Variants in CEP128 observed in about 807,000 individuals in gnomAD.
CEP128 encodes the protein centrosomal protein 128kDa.
CEP128 carries 132 observed loss-of-function variants against 156.7 expected under a neutral mutation model. The observed-to-expected ratio is 0.84, with a 90% CI of 0.73 to 0.97. CEP128 has a LOEUF of 0.97. Among genes scored for constraint, CEP128 ranks in the 50% least tolerant of loss-of-function variants. The pLI, the probability that CEP128 is intolerant of heterozygous loss-of-function variation, is 0.00. For missense variants in CEP128, 1,252 were observed against 1,281.9 expected (o/e 0.98, Z 0.36); for synonymous variants, 469 against 448.9 (o/e 1.04, Z -0.57).
intron 19 of CEP128, among the ~76,000 whole-genome samples, chr14:80,602,926 A>G (rs1016930787): frequency 1.3e-5 from 2 of 152,218 alleles, no homozygotes; most frequent in African/African-American, 2.4e-5. Flanking sequence ...TAAAAATCCT[A>G]TGGTCAAAGA....
rs775158754 is a variant in CEP128, at chr14:80,895,725, T to C, written c.638A>G (p.Gln213Arg). 22 of 1,574,136 alleles carry C rather than the reference T, an allele frequency of 1.4e-5. No individual in the cohort carries two copies. The South Asian group carries it at 2.0e-4, about 14-fold the overall frequency. ...LTEKLNEAQKQEVVSDRVERR... is the reference protein window; with the variant it reads ...LTEKLNEAQKREVVSDRVERR... ...TTAAAAAAGAGATCTCACCACTTCTTGTTTCTGGGCTTCATTAAGTTTTTC... is the reference window on the plus strand; with the variant it reads ...TTAAAAAAGAGATCTCACCACTTCTCGTTTCTGGGCTTCATTAAGTTTTTC... Residue 213 changes from glutamine to arginine, a missense_variant, in exon 8 of 25, where the codon CAA becomes CGA. Coordinates refer to ENST00000555265, the MANE Select transcript of CEP128 (RefSeq NM_152446.5).
At chr14:80,934,817 T>C in intron 2 of CEP128, among the ~76,000 whole-genome samples, 1 of 148,398 alleles carries the variant, frequency 6.7e-6, no homozygotes, top group East Asian at 2.0e-4. Flanking sequence ...CAAAAAAGAA[T>C]ATTTGTTTTA....
At chr14:80,895,609 G>C in intron 8 of CEP128, 109 bp downstream of exon 8, 4 of 633,254 alleles carry the variant, frequency 6.3e-6, no homozygotes, top group African/African-American at 1.9e-5. Context: ...AGACAAAATG[G>C]GACATACCAC....
chr14:80,855,576 AG>A (rs925913667), intron 9 of CEP128, among the ~76,000 whole-genome samples: 5 of 152,178 alleles, frequency 3.3e-5, no homozygotes, highest in African/African-American at 1.2e-4. Context: ...ACAAAAAAAA[AG>A]GGGCATTGGT....
chr14:80,845,583 A>T (rs1287239680), intron 9 of CEP128, among the ~76,000 whole-genome samples: 1 of 152,190 alleles, frequency 6.6e-6, no homozygotes, highest in Admixed American at 6.5e-5. Context: ...ATAATTATGG[A>T]AATTTAATTT....
chr14:80,783,541 T>C (rs776001492), intron 15 of CEP128, among the ~76,000 whole-genome samples: 1 of 152,242 alleles, frequency 6.6e-6, no homozygotes, highest in Non-Finnish European at 1.5e-5. Context: ...AACTGATTGC[T>C]GGTAGTATTG....
At chr14:80,747,260 T>C (rs751288981) in intron 18 of CEP128, among the ~76,000 whole-genome samples, 3 of 152,146 alleles carry the variant, frequency 2.0e-5, no homozygotes, top group Non-Finnish European at 4.4e-5. Context: ...GAAAAACAAA[T>C]ATACATGCAA....
At chr14:80,593,784 C>A (rs1892192421) in intron 19 of CEP128, among the ~76,000 whole-genome samples, 1 of 152,034 alleles carries the variant, frequency 6.6e-6, no homozygotes, top group African/African-American at 2.4e-5. Flanking sequence ...AGGACCTCTT[C>A]AAGGAGAACT....
chr14:80,916,645 CTCT>C, intron 2 of CEP128, 83 bp from the exon 3 acceptor site: 6 of 1,113,032 alleles, frequency 5.4e-6, no homozygotes, highest in Non-Finnish European at 7.7e-6. Flanking sequence ...TACTTTTGAT[CTCT>C]TTTCTATGTT....
intron 19 of CEP128, among the ~76,000 whole-genome samples, chr14:80,689,679 T>G (rs1429891993): frequency 6.6e-6 from 1 of 152,212 alleles, no homozygotes; most frequent in Non-Finnish European, 1.5e-5. Context: ...TCTGTGTGTG[T>G]GTGTATGTGT....
At chr14:80,832,697 G>T (rs1316013530) in intron 12 of CEP128, among the ~76,000 whole-genome samples, 1 of 152,190 alleles carries the variant, frequency 6.6e-6, no homozygotes, top group Admixed American at 6.5e-5. Context: ...AGGAGTTGGG[G>T]TGTTTTTAGG....
At chr14:80,529,820 T>C (rs1231297524) in intron 22 of CEP128, among the ~76,000 whole-genome samples, 4 of 152,232 alleles carry the variant, frequency 2.6e-5, no homozygotes, top group Non-Finnish European at 5.9e-5. Flanking sequence ...TGGGATAGTC[T>C]AGCTTTCTAG....
At chr14:80,654,612 C>G (rs1895050307) in intron 19 of CEP128, among the ~76,000 whole-genome samples, 1 of 152,184 alleles carries the variant, frequency 6.6e-6, no homozygotes, top group African/African-American at 2.4e-5. Context: ...TCTCCAATAT[C>G]ATTAGTGACC....
At chr14:80,585,680 G>C (rs1013586283) in intron 19 of CEP128, among the ~76,000 whole-genome samples, 1 of 152,176 alleles carries the variant, frequency 6.6e-6, no homozygotes, top group Non-Finnish European at 1.5e-5. Flanking sequence ...GCAGTTTAGA[G>C]AAAAGCATTT....
chr14:80,505,019 C>A lies in CEP128; in HGVS notation c.3074G>T (p.Gly1025Val), dbSNP rs1468209981. 1 of 1,563,192 alleles carries A rather than the reference C, an allele frequency of 6.4e-7. No individual in the cohort carries two copies. Among genetic ancestry groups the A allele is most frequent in the Non-Finnish European group, 8.7e-7 (1 of 1,146,518 alleles). Residue 1025 changes from glycine (G) to valine (V), a missense_variant and splice_region_variant, in exon 24 of 25, where the codon GGT becomes GTT. Transcript: ENST00000555265. ...DTKYRTKSFK[G>V]DRTFLEGSHT... ...GGAACCTTCCAGAAAGGTTCTGTCA[C>A]CCTAAGGAAAAAAAGGCACAGCATT...
At chr14:80,546,597 T>A (rs1028546666) in intron 21 of CEP128, among the ~76,000 whole-genome samples, 3 of 152,212 alleles carry the variant, frequency 2.0e-5, no homozygotes, top group Admixed American at 6.5e-5. Flanking sequence ...AGAATCCACA[T>A]ACTTTAAGTC....
At chr14:80,489,762 C>T (rs375346900), downstream of CEP128, among the ~76,000 whole-genome samples, 98 of 152,198 alleles carry the variant, frequency 6.4e-4, 2 homozygotes, top group African/African-American at 1.9e-3. Context: ...ACAATCAGAG[C>T]GGGGTGTGAC....
At chr14:80,608,321 C>G (rs139961627) in intron 19 of CEP128, among the ~76,000 whole-genome samples, 143 of 152,258 alleles carry the variant, frequency 9.4e-4, no homozygotes, top group African/African-American at 3.2e-3. Flanking sequence ...AACTCAGGCA[C>G]CTAGAAAAGT....
chr14:80,933,210 C>G (rs555880384), intron 2 of CEP128, among the ~76,000 whole-genome samples: 1 of 152,166 alleles, frequency 6.6e-6, no homozygotes, highest in African/African-American at 2.4e-5. Context: ...TGCCTTCCAG[C>G]GTCACTCCGC....
Sources: gnomAD v4.1 joint callset for allele counts (sites outside exome capture counted in the v4.1 genomes callset) on GRCh38, gnomAD v4.1.1 for gene constraint, MANE v1.5 for transcripts, NCBI Gene and HGNC (gene_info 2026-07-23, HGNC 2026-07-21) for gene names.